MME: variants seen among roughly 807,000 people sequenced by gnomAD.
The protein encoded by MME is neprilysin.
MME carries 98 observed loss-of-function variants against 113.2 expected under a neutral mutation model. The observed-to-expected ratio is 0.87, with a 90% CI of 0.74 to 1.02. The LOEUF is 1.02. Ranked by LOEUF, MME falls within the 50% of genes least tolerant of loss-of-function variation. The probability of loss-of-function intolerance (pLI) is 0.00; values close to 1 mark genes in which losing one functional copy is unlikely to be tolerated. For missense variants in MME, 836 were observed against 896.0 expected, an observed-to-expected ratio of 0.93 and a Z score of 0.86; for synonymous variants, 292 against 300.6, an observed-to-expected ratio of 0.97 and a Z score of 0.30.
chr3:155,055,392 G>T (rs1401270273), intron 1 of MME, among the ~76,000 whole-genome samples: 1 of 152,206 alleles, frequency 6.6e-6, no homozygotes, highest in Non-Finnish European at 1.5e-5. Flanking sequence ...GAGGTTAGGA[G>T]TTCAAGACCA....
intron 15 of MME, 92 bp from the exon 16 acceptor site, chr3:155,148,458 C>A: frequency 1.2e-6 from 1 of 818,600 alleles, no homozygotes; most frequent in Non-Finnish European, 2.0e-6. Context: ...ACTTTATTGA[C>A]TGATATAATT....
rs61762323 is a variant in MME, at chr3:155,085,227, T to G, written c.196+133T>G. 2,335 of 561,634 alleles carry G rather than the reference T, an allele frequency of 4.2e-3. 44 individuals carry two copies. The highest frequency in any genetic ancestry group is 0.039 in the African/African-American group (2,027 of 52,098). 34.8% of individuals were successfully genotyped at this position (561,634 alleles called of 1,614,324 possible). On this transcript the variant is annotated intron_variant, in intron 3 of 22. Transcript: ENST00000360490. ...ATTATTTATGTGTCTGGCTCTATAA[T>G]CAATGGAAATAAAAATATATTTAAG...
intron 4 of MME, 73 bp downstream of exon 4, chr3:155,115,228 A>T: frequency 6.5e-7 from 1 of 1,544,522 alleles, no homozygotes. Context: ...TACAATTGTT[A>T]GCCATTACAA....
chr3:155,161,867 C>G (rs554415258), intron 17 of MME, among the ~76,000 whole-genome samples: 1 of 152,182 alleles, frequency 6.6e-6, no homozygotes, highest in African/African-American at 2.4e-5. Flanking sequence ...ATCAACTCCT[C>G]AGAACCTTTG....
At chr3:155,029,861 C>A (rs1012688814) in intron 1 of MME, among the ~76,000 whole-genome samples, 4 of 151,922 alleles carry the variant, frequency 2.6e-5, no homozygotes, top group African/African-American at 9.7e-5. Flanking sequence ...AAGTTCTTTC[C>A]CACATTTTGA....
rs763758915 is a variant in MME, at chr3:155,118,852, A to C, written c.720+41A>C. 2.4e-6 allele frequency: 3 copies of C among 1,245,248 alleles called. No individual in the cohort carries two copies. In the East Asian group the frequency reaches 7.4e-5, roughly 31 times the overall value. The allele number at this position is 1,245,248 out of a possible 1,614,324, so 77.1% of individuals were successfully genotyped here. On this transcript the variant is annotated intron_variant, in intron 8 of 22. Transcript: ENST00000360490. ...ATAATCAAAACCAAACTACAAAATG[A>C]TCTGGTGTAAACCTACAAGTAATGA...
intron 8 of MME, among the ~76,000 whole-genome samples, chr3:155,125,174 C>T (rs1231228615): frequency 1.6e-4 from 24 of 148,514 alleles, no homozygotes; most frequent in Non-Finnish European, 3.3e-4. Flanking sequence ...GGGAGTGACC[C>T]GATTTTCCAG....
chr3:155,142,084 T>C lies in MME; in HGVS notation c.1051T>C (p.Tyr351His). Residue 351 changes from tyrosine (Y) to histidine (H), a missense_variant, in exon 11 of 23, where the codon TAT (tyrosine) becomes CAT (histidine). Physicochemically the swap from Tyr to His is moderately conservative, Grantham distance 83. Transcript: ENST00000360490. Reference sequence around the variant, plus strand: ...AGATGTGGTTGTTTATGCTCCAGAATATTTAACCAAACTTAAGCCCATTCT... The same window carrying C: ...AGATGTGGTTGTTTATGCTCCAGAACATTTAACCAAACTTAAGCCCATTCT... ...EEDVVVYAPE[Y>H]LTKLKPILTK... 6.2e-7 allele frequency: 1 copy of C among 1,613,868 alleles called. No homozygotes were observed. The highest frequency in any genetic ancestry group is 8.5e-7 in the Non-Finnish European group (1 of 1,179,838).
intron 5 of MME, 49 bp from the exon 6 acceptor site, chr3:155,116,614 CA>C: frequency 8.6e-7 from 1 of 1,159,456 alleles, no homozygotes; most frequent in Non-Finnish European, 1.2e-6. Flanking sequence ...ATATTGGTGC[CA>C]AACTATGCCT....
At chr3:155,160,335 G>T (rs377265560) in intron 16 of MME, 55 bp from the exon 17 acceptor site, 9 of 1,121,716 alleles carry the variant, frequency 8.0e-6, no homozygotes, top group Non-Finnish European at 1.1e-5. Flanking sequence ...TTGTGTGAGT[G>T]GGTTGAATCA....
chr3:155,142,251 T>G lies in MME; in HGVS notation c.1109T>G (p.Leu370Ter). 6.2e-7 allele frequency: 1 copy of G among 1,613,660 alleles called. No homozygotes were observed. Among genetic ancestry groups the G allele is most frequent in the Non-Finnish European group, 8.5e-7 (1 of 1,179,690 alleles). Residue 370 changes from leucine to a stop codon, truncating the protein, a stop_gained, in exon 12 of 23, where the codon TTA (leucine) becomes TGA (stop). Transcript: ENST00000360490. LOFTEE classifies it high-confidence loss of function. ...TKYSARDLQN[L>*]MSWRFIMDLV... ...TTTTTATACAGAGATCTTCAAAATT[T>G]AATGTCCTGGAGATTCATAATGGAT...
At position 155,148,543 on chromosome 3, in the gene MME, A is replaced by G; in HGVS notation, c.1498-7A>G. On this transcript the variant is annotated splice_region_variant and splice_polypyrimidine_tract_variant and intron_variant, in intron 15 of 22. Coordinates refer to ENST00000360490, the MANE Select transcript of MME (RefSeq NM_007289.4). ...ATATTTCTTCCCAAATCTTCTTTATAATACAGTTGAACTACAAAGAAGATG... is the reference window on the plus strand; with the variant it reads ...ATATTTCTTCCCAAATCTTCTTTATGATACAGTTGAACTACAAAGAAGATG... 1 of 1,569,252 alleles carries G rather than the reference A, an allele frequency of 6.4e-7. No homozygotes were observed. The highest frequency in any genetic ancestry group is 8.8e-7 in the Non-Finnish European group (1 of 1,140,024).
At chr3:155,087,663 T>A (rs913001452) in intron 3 of MME, among the ~76,000 whole-genome samples, 1 of 152,208 alleles carries the variant, frequency 6.6e-6, no homozygotes. Flanking sequence ...CATGTCTCTT[T>A]GGTATCTTAA....
At chr3:155,132,185 T>C (rs1475027677) in intron 8 of MME, among the ~76,000 whole-genome samples, 1 of 152,200 alleles carries the variant, frequency 6.6e-6, no homozygotes, top group East Asian at 1.9e-4. Context: ...CCTCCCTGGG[T>C]CTTGATTGTC....
chr3:155,032,691 G>C (rs888943977), intron 1 of MME, among the ~76,000 whole-genome samples: 4 of 152,186 alleles, frequency 2.6e-5, no homozygotes, highest in Non-Finnish European at 5.9e-5. Context: ...ATCACAGGAG[G>C]CTTGCTTCTG....
At position 155,141,973 on chromosome 3, in the gene MME, A is replaced by G. The variant is rs373924819; in HGVS notation, c.958-18A>G. The G allele has an allele frequency of 1.2e-5, 20 of 1,613,262 alleles. No individual in the cohort carries two copies. Among genetic ancestry groups the G allele is most frequent in the Non-Finnish European group, 1.7e-5 (20 of 1,179,542 alleles). ...GAAATCCACAATTTCTGAATGTTTCATGCCTGCTTTTTTCCAGCCATTCAG... is the reference window on the plus strand; with the variant it reads ...GAAATCCACAATTTCTGAATGTTTCGTGCCTGCTTTTTTCCAGCCATTCAG... On this transcript the variant is annotated intron_variant, in intron 10 of 22. Coordinates refer to ENST00000360490, the MANE Select transcript of MME (RefSeq NM_007289.4).
At chr3:155,083,580 A>G (rs561645674) in intron 1 of MME, 99 of 157,474 alleles carry the variant, frequency 6.3e-4, no homozygotes, top group Non-Finnish European at 1.3e-3. Flanking sequence ...CAGTAGTAGT[A>G]GTAATTTTGA....
chr3:155,104,013 T>G (rs1040280192), intron 3 of MME, among the ~76,000 whole-genome samples: 3 of 152,172 alleles, frequency 2.0e-5, no homozygotes, highest in Non-Finnish European at 4.4e-5. Context: ...AGTTTGAGAA[T>G]TGAAAATGAG....
intron 3 of MME, among the ~76,000 whole-genome samples, chr3:155,102,380 G>A (rs982190879): frequency 1.3e-5 from 2 of 152,054 alleles, no homozygotes; most frequent in Non-Finnish European, 2.9e-5. Context: ...GTATTCTATG[G>A]ATTACCTTGA....
Sources: allele counts gnomAD v4.1 joint callset (sites outside exome capture counted in the v4.1 genomes callset), GRCh38; gene constraint gnomAD v4.1.1; transcripts MANE v1.5; gene names NCBI Gene and HGNC (gene_info 2026-07-23, HGNC 2026-07-21).